GMPR: variants seen among roughly 807,000 people sequenced by gnomAD.
The protein encoded by GMPR is GMP reductase 1.
In GMPR, 31 loss-of-function variants were observed where a neutral mutation model predicts 38.4. That is an observed-to-expected ratio of 0.81 (90% CI 0.61 to 1.09). The LOEUF (loss-of-function observed/expected upper bound fraction) is 1.09. Among genes scored for constraint, GMPR ranks in the 50% least tolerant of loss-of-function variants. The pLI is 0.00. For missense variants in GMPR, 468 were observed against 453.7 expected, an observed-to-expected ratio of 1.03 and a Z score of -0.29; for synonymous variants, 162 against 173.3, an observed-to-expected ratio of 0.93 and a Z score of 0.51.
intron 7 of GMPR, among the ~76,000 whole-genome samples, chr6:16,288,230 C>T (rs984158440): frequency 1.1e-4 from 17 of 152,270 alleles, no homozygotes; most frequent in African/African-American, 3.4e-4. Context: ...GAGCCGGCTC[C>T]CTCAGCTTGA....
intron 3 of GMPR, among the ~76,000 whole-genome samples, chr6:16,252,296 G>C (rs1332797903): frequency 6.6e-6 from 1 of 152,072 alleles, no homozygotes; most frequent in Non-Finnish European, 1.5e-5. Context: ...TTTTGCTCTT[G>C]TCACCCAGAC....
At chr6:16,248,633 G>A (rs748388028) in intron 2 of GMPR, among the ~76,000 whole-genome samples, 7 of 152,130 alleles carry the variant, frequency 4.6e-5, no homozygotes, top group Non-Finnish European at 1.0e-4. Flanking sequence ...GTCGGATTCC[G>A]TGATCACTTG....
At chr6:16,266,282 T>C (rs1337449584) in intron 4 of GMPR, among the ~76,000 whole-genome samples, 1 of 150,780 alleles carries the variant, frequency 6.6e-6, no homozygotes. Context: ...TGAGGCTTCA[T>C]TCCTGAAGTC....
rs552160694 is a variant in GMPR at position 16,272,744 on chromosome 6, G to C, written c.466-1671G>C. ...ATTATGTTAAGGATAATAACACTTT[G>C]TCAAAATTGTAGATATTTTTCTCTA... On this transcript the variant is annotated intron_variant, in intron 4 of 8. Transcript: ENST00000259727. Among the ~76,000 whole-genome samples the C allele has an allele frequency of 1.7e-3, 260 of 152,252 alleles. 4 individuals carry two copies. The highest frequency in any genetic ancestry group is 5.9e-3 in the African/African-American group (245 of 41,544).
At chr6:16,242,382 G>A (rs1758667778) in intron 1 of GMPR, among the ~76,000 whole-genome samples, 1 of 150,624 alleles carries the variant, frequency 6.6e-6, no homozygotes, top group South Asian at 2.1e-4. Flanking sequence ...TCCTGGGGCT[G>A]CTGTAACTGA....
intron 4 of GMPR, among the ~76,000 whole-genome samples, chr6:16,267,370 A>T (rs1251027673): frequency 1.3e-5 from 2 of 150,080 alleles, no homozygotes; most frequent in Non-Finnish European, 3.0e-5. Context: ...ACTCCGTCTC[A>T]AAAAACAAAG....
At chr6:16,257,160 C>T (rs1758997699) in intron 4 of GMPR, among the ~76,000 whole-genome samples, 1 of 152,130 alleles carries the variant, frequency 6.6e-6, no homozygotes, top group South Asian at 2.1e-4. Flanking sequence ...ATTATGCCTC[C>T]TTGACGAGGC....
At chr6:16,266,263 G>A (rs1470426980) in intron 4 of GMPR, among the ~76,000 whole-genome samples, 3 of 152,058 alleles carry the variant, frequency 2.0e-5, no homozygotes, top group Admixed American at 6.5e-5. Flanking sequence ...AACACTCACT[G>A]CGAAGGTCTG....
At chr6:16,250,877 T>TA (rs879777724) in intron 3 of GMPR, among the ~76,000 whole-genome samples, 73 of 135,806 alleles carry the variant, frequency 5.4e-4, no homozygotes, top group South Asian at 2.1e-3. Flanking sequence ...GGTCTCTTTT[T>TA]AAAAAAAAAA....
chr6:16,240,820 C>G (rs970386991), intron 1 of GMPR, among the ~76,000 whole-genome samples: 1 of 152,132 alleles, frequency 6.6e-6, no homozygotes. Context: ...TGAGGAGTCT[C>G]TTTTGTATTT....
chr6:16,267,716 C>T (rs532157531), intron 4 of GMPR, among the ~76,000 whole-genome samples: 11 of 152,090 alleles, frequency 7.2e-5, no homozygotes, highest in Admixed American at 2.0e-4. Flanking sequence ...CTTGGAGGTC[C>T]CTGTGTTGGC....
chr6:16,265,821 G>A (rs765139202), intron 4 of GMPR, among the ~76,000 whole-genome samples: 18 of 152,350 alleles, frequency 1.2e-4, no homozygotes, highest in African/African-American at 2.6e-4. Context: ...ACCCTTCCAC[G>A]CCATGGAGGT....
intron 4 of GMPR, among the ~76,000 whole-genome samples, chr6:16,258,678 C>T (rs1443426221): frequency 6.6e-6 from 1 of 152,222 alleles, no homozygotes; most frequent in Non-Finnish European, 1.5e-5. Flanking sequence ...CTGTTCTGTG[C>T]CTGCATTGAC....
intron 7 of GMPR, chr6:16,289,622 T>G (rs1160392286): frequency 6.6e-6 from 1 of 152,122 alleles, no homozygotes; most frequent in Non-Finnish European, 1.5e-5. Flanking sequence ...AGCAGCATGG[T>G]GCGGGTGGAG....
intron 7 of GMPR, among the ~76,000 whole-genome samples, chr6:16,289,249 A>G (rs1411164258): frequency 1.3e-5 from 2 of 152,162 alleles, no homozygotes; most frequent in South Asian, 2.1e-4. Context: ...GAGCTGTTAC[A>G]CTCACAGTGA....
chr6:16,250,053 A>G (rs1758837215), intron 2 of GMPR, among the ~76,000 whole-genome samples: 1 of 152,218 alleles, frequency 6.6e-6, no homozygotes, highest in Non-Finnish European at 1.5e-5. Context: ...GAGCCTCCCT[A>G]GTCCTGAATG....
chr6:16,284,293 A>G (rs753293507), intron 6 of GMPR, among the ~76,000 whole-genome samples: 1 of 152,212 alleles, frequency 6.6e-6, no homozygotes, highest in Non-Finnish European at 1.5e-5. Context: ...AGATAGAGAA[A>G]GGGAACTGAG....
At chr6:16,260,350 T>C (rs1759059152) in intron 4 of GMPR, among the ~76,000 whole-genome samples, 1 of 152,002 alleles carries the variant, frequency 6.6e-6, no homozygotes. Context: ...GTGGGAAGGC[T>C]AAACTGAAGA....
At chr6:16,246,412 G>A (rs1221062621) in intron 1 of GMPR, among the ~76,000 whole-genome samples, 1 of 152,194 alleles carries the variant, frequency 6.6e-6, no homozygotes, top group East Asian at 1.9e-4. Flanking sequence ...TAATTGTGTG[G>A]CGCTCACTGC....
Sources: gnomAD v4.1 joint callset for allele counts (sites outside exome capture counted in the v4.1 genomes callset) on GRCh38, gnomAD v4.1.1 for gene constraint, MANE v1.5 for transcripts, NCBI Gene and HGNC (gene_info 2026-07-23, HGNC 2026-07-21) for gene names.